The following GRB10 variants were observed in gnomAD, a reference collection of about 807,000 sequenced individuals.
The protein encoded by GRB10 is growth factor receptor bound protein 10, also known as growth factor receptor-bound protein 10.
A neutral mutation model predicts 80.9 loss-of-function variants in GRB10; 20 were observed. The observed-to-expected ratio is 0.25, with a 90% confidence interval of 0.17 to 0.36. The LOEUF (loss-of-function observed/expected upper bound fraction) is 0.36, where lower values mean the gene tolerates loss of function less well. Ranked by LOEUF, GRB10 falls within the 10% of genes least tolerant of loss-of-function variation. GRB10 has a pLI of 1.00. For missense variants in GRB10, 548 were observed against 747.7 expected, an observed-to-expected ratio of 0.73 and a Z score of 3.12; for synonymous variants, 291 against 291.5, an observed-to-expected ratio of 1.00 and a Z score of 0.02.
intron 13 of GRB10, among the ~76,000 whole-genome samples, chr7:50,608,494 C>T (rs1452286999): frequency 6.6e-6 from 1 of 152,046 alleles, no homozygotes; most frequent in Non-Finnish European, 1.5e-5. Flanking sequence ...TATTAAAGTG[C>T]AAAGATGTAG....
chr7:50,714,824 G>C (rs2066584850), intron 4 of GRB10, among the ~76,000 whole-genome samples: 1 of 152,094 alleles, frequency 6.6e-6, no homozygotes, highest in Non-Finnish European at 1.5e-5. Flanking sequence ...ACTAAAACCA[G>C]AGAACCAAAC....
chr7:50,775,161 C>CAAAAAAAAAAAAAA (rs777553621), intron 2 of GRB10, among the ~76,000 whole-genome samples: 2,925 of 30,368 alleles, frequency 0.096, 943 homozygotes, highest in Non-Finnish European at 0.13. Flanking sequence ...ATCCTGTCTC[C>CAAAAAAAAAAAAAA]AAAAAAAAAA....
At chr7:50,626,710 C>G (rs1186293773) in intron 8 of GRB10, 112 bp downstream of exon 8, 6 of 1,234,384 alleles carry the variant, frequency 4.9e-6, no homozygotes, top group African/African-American at 3.0e-5. Context: ...AGACTGCCTG[C>G]TAATTTCGCA....
intron 5 of GRB10, among the ~76,000 whole-genome samples, chr7:50,691,036 A>G (rs925815602): frequency 2.6e-5 from 4 of 152,174 alleles, no homozygotes; most frequent in Non-Finnish European, 4.4e-5. Context: ...CAGGCTCCTC[A>G]ATGCCTTTTT....
intron 4 of GRB10, among the ~76,000 whole-genome samples, chr7:50,716,055 G>C (rs2066812806): frequency 6.6e-6 from 1 of 152,134 alleles, no homozygotes; most frequent in South Asian, 2.1e-4. Context: ...CTCAAGAGAG[G>C]GGGCTCTCCA....
chr7:50,696,093 G>C (rs142442846), intron 5 of GRB10, among the ~76,000 whole-genome samples: 2 of 152,180 alleles, frequency 1.3e-5, no homozygotes, highest in East Asian at 3.9e-4. Context: ...ATGTTTATCT[G>C]ATCAGTCTTG....
chr7:50,705,983 T>G (rs1217926485), intron 4 of GRB10, among the ~76,000 whole-genome samples: 4 of 152,196 alleles, frequency 2.6e-5, no homozygotes, highest in Admixed American at 1.3e-4. Context: ...CCCCATCTAG[T>G]TTCTGCAATT....
intron 7 of GRB10, among the ~76,000 whole-genome samples, chr7:50,629,244 T>G (rs2053552989): frequency 6.6e-6 from 1 of 152,186 alleles, no homozygotes; most frequent in Non-Finnish European, 1.5e-5. Context: ...AAATCAGCCA[T>G]GCCAATGGTT....
intron 6 of GRB10, among the ~76,000 whole-genome samples, chr7:50,670,806 T>G (rs769641836): frequency 6.6e-6 from 1 of 152,218 alleles, no homozygotes; most frequent in African/African-American, 2.4e-5. Flanking sequence ...AAAAAGGTTG[T>G]TGACACTGAA....
intron 4 of GRB10, among the ~76,000 whole-genome samples, chr7:50,731,474 C>T: frequency 6.6e-6 from 1 of 152,140 alleles, no homozygotes; most frequent in Non-Finnish European, 1.5e-5. Flanking sequence ...ACTTCCAAAC[C>T]TAGGACTGCT....
intron 7 of GRB10, among the ~76,000 whole-genome samples, chr7:50,644,406 C>A (rs1225142836): frequency 6.6e-6 from 1 of 152,186 alleles, no homozygotes; most frequent in Middle Eastern, 3.2e-3. Context: ...GACGTAGCAC[C>A]CGCTTCCACT....
chr7:50,595,670 T>C (rs1032860624), intron 17 of GRB10, 140 bp from the exon 18 acceptor site: 8 of 682,186 alleles, frequency 1.2e-5, no homozygotes, highest in Non-Finnish European at 2.1e-5. Context: ...GTGCAGTGCT[T>C]TGGCATTTAA....
At chr7:50,778,793 C>T (rs1213587318) in intron 2 of GRB10, among the ~76,000 whole-genome samples, 1 of 152,172 alleles carries the variant, frequency 6.6e-6, no homozygotes, top group African/African-American at 2.4e-5. Context: ...GAGCAAGGAC[C>T]TTGGAAGAAG....
intron 5 of GRB10, among the ~76,000 whole-genome samples, chr7:50,702,355 T>C (rs1484943710): frequency 6.6e-6 from 1 of 152,232 alleles, no homozygotes; most frequent in Non-Finnish European, 1.5e-5. Context: ...CGCAGCCCTT[T>C]GTATTCCCTA....
At chr7:50,656,616 G>A (rs2058675426) in intron 7 of GRB10, among the ~76,000 whole-genome samples, 1 of 152,230 alleles carries the variant, frequency 6.6e-6, no homozygotes, top group South Asian at 2.1e-4. Flanking sequence ...AAATCCTGGA[G>A]TCCCTGCAAA....
intron 10 of GRB10, 131 bp downstream of exon 10, chr7:50,617,940 G>A (rs1000826932): frequency 7.0e-5 from 55 of 790,676 alleles, no homozygotes; most frequent in Middle Eastern, 2.2e-4. Flanking sequence ...CCACCCCTCC[G>A]GCTTAAGAGC....
At chr7:50,713,641 TCCC>T (rs1162366867) in intron 4 of GRB10, among the ~76,000 whole-genome samples, 18 of 65,708 alleles carry the variant, frequency 2.7e-4, no homozygotes, top group African/African-American at 8.1e-4. Flanking sequence ...CACCTCCACC[TCCC>T]CCATCACCTC....
intron 3 of GRB10, among the ~76,000 whole-genome samples, chr7:50,742,241 C>T (rs1206293802): frequency 6.6e-6 from 1 of 151,206 alleles, no homozygotes; most frequent in African/African-American, 2.4e-5. Flanking sequence ...ATGTATTTGT[C>T]TATGTGTAAA....
chr7:50,614,530 C>T (rs2050174322), intron 12 of GRB10, among the ~76,000 whole-genome samples: 1 of 152,182 alleles, frequency 6.6e-6, no homozygotes, highest in Admixed American at 6.5e-5. Context: ...CTCCCTAAAA[C>T]ACTGAGCCCA....
Sources: allele counts gnomAD v4.1 joint callset (sites outside exome capture counted in the v4.1 genomes callset), GRCh38; gene constraint gnomAD v4.1.1; transcripts MANE v1.5; gene names NCBI Gene and HGNC (gene_info 2026-07-23, HGNC 2026-07-21).